BIRC6: variants seen among roughly 807,000 people sequenced by gnomAD.
BIRC6 encodes dual E2 ubiquitin-conjugating enzyme/E3 ubiquitin-protein ligase BIRC6.
BIRC6 carries 98 observed loss-of-function variants against 503.3 expected under a neutral mutation model. The observed-to-expected ratio is 0.19, with a 90% CI of 0.17 to 0.23. The LOEUF (loss-of-function observed/expected upper bound fraction) is 0.23. BIRC6 is among the 10% of genes least tolerant of loss of function. The probability of loss-of-function intolerance (pLI) is 1.00; values close to 1 mark genes in which losing one functional copy is unlikely to be tolerated. For synonymous variants in BIRC6, 2,240 were observed against 2,078.7 expected, an observed-to-expected ratio of 1.08 and a Z score of -2.11; for missense variants, 5,360 against 5,806.0, an observed-to-expected ratio of 0.92 and a Z score of 2.50.
chr2:32,570,306 G>GTTAT (rs1383120476), intron 65 of BIRC6, among the ~76,000 whole-genome samples: 1 of 151,830 alleles, frequency 6.6e-6, no homozygotes, highest in African/African-American at 2.4e-5. Flanking sequence ...TTTTTTAAAA[G>GTTAT]TTATTTATTT....
chr2:32,373,906 G>A (rs901144898), intron 1 of BIRC6, among the ~76,000 whole-genome samples: 32 of 152,260 alleles, frequency 2.1e-4, no homozygotes, highest in Admixed American at 6.5e-5. Flanking sequence ...CTAATGTGGA[G>A]GAACCTTCAG....
chr2:32,467,860 T>C, intron 27 of BIRC6, 43 bp from the exon 28 acceptor site: 4 of 1,500,020 alleles, frequency 2.7e-6, no homozygotes, highest in Non-Finnish European at 3.6e-6. Context: ...ATTTTTATTG[T>C]GGCAGATGTG....
Position 32,415,107 on chromosome 2 carries a change from G to A in BIRC6, c.1816G>A (p.Gly606Arg), listed in dbSNP as rs758082770. The change falls in exon 10 of 74, where the codon GGG becomes AGG. Residue 606 changes from glycine (G) to arginine (R), a missense_variant. By Grantham distance (125) the Gly-to-Arg change is moderately radical (BLOSUM62 -2). Transcript: ENST00000421745. Reference protein sequence around the residue: ...RTQGESISEQGSTDNESCTNS... With the variant: ...RTQGESISEQRSTDNESCTNS... ...TCAGGGTGAAAGTATATCAGAACAA[G>A]GGTCAACTGACAATGAATCCTGCAC... is the stretch of plus-strand genomic sequence containing the variant. The A allele has an allele frequency of 3.7e-6, 6 of 1,613,846 alleles. No homozygotes were observed. Among genetic ancestry groups the A allele is most frequent in the South Asian group, 1.1e-5 (1 of 91,060 alleles).
intron 40 of BIRC6, among the ~76,000 whole-genome samples, chr2:32,487,234 C>T (rs2051102990): frequency 6.6e-6 from 1 of 152,024 alleles, no homozygotes; most frequent in South Asian, 2.1e-4. Flanking sequence ...TCTGAAAGCT[C>T]CCCAGATGAT....
chr2:32,421,112 C>CTTT (rs779700746), intron 10 of BIRC6, among the ~76,000 whole-genome samples: 4 of 132,308 alleles, frequency 3.0e-5, no homozygotes, highest in Non-Finnish European at 4.9e-5. Flanking sequence ...TTCTTTCTTT[C>CTTT]TTTTTTTTTT....
chr2:32,401,557 G>T lies in BIRC6; in HGVS notation c.1352G>T (p.Arg451Ile), dbSNP rs139494254. The T allele has an allele frequency of 3.1e-6, 5 of 1,614,008 alleles. No individual in the cohort carries two copies. Among genetic ancestry groups the T allele is most frequent in the Non-Finnish European group, 3.4e-6 (4 of 1,179,884 alleles). ...CCAAGCTCAGGAGTTGATTCAAGGAGACCAACTTTGGCGTGGCTGGAGGAC... is the reference window on the plus strand; with the variant it reads ...CCAAGCTCAGGAGTTGATTCAAGGATACCAACTTTGGCGTGGCTGGAGGAC... ...GDPSSGVDSRRPTLAWLEDSS... is the reference protein window; with the variant it reads ...GDPSSGVDSRIPTLAWLEDSS... Residue 451 changes from arginine to isoleucine, a missense_variant, in exon 8 of 74, where the codon AGA becomes ATA. By Grantham distance (97) the Arg-to-Ile change is moderately conservative. Around this residue, in one of 16 missense-constraint regions of BIRC6, gnomAD observed 700 missense variants for 739.3 expected, o/e 0.95. Coordinates refer to ENST00000421745, the MANE Select transcript of BIRC6 (RefSeq NM_016252.4).
At chr2:32,560,908 C>T (rs983495799) in intron 65 of BIRC6, among the ~76,000 whole-genome samples, 8 of 151,888 alleles carry the variant, frequency 5.3e-5, no homozygotes, top group Admixed American at 2.6e-4. Flanking sequence ...TATAAATTGA[C>T]CTGCAAGTAG....
chr2:32,455,748 A>G (rs2047193330), intron 23 of BIRC6, among the ~76,000 whole-genome samples: 1 of 151,932 alleles, frequency 6.6e-6, no homozygotes, highest in South Asian at 2.1e-4. Flanking sequence ...TTTTCTCCAC[A>G]CTCCCCACCC....
At position 32,531,341 on chromosome 2, in the gene BIRC6, A is replaced by G. The variant is rs115651739; in HGVS notation, c.12095-14A>G. ...CTTTCTTACCTATTCAGTTATTTGT[A>G]ATTTATTGTCTAGATCATGGAGACT... On this transcript the variant is annotated splice_polypyrimidine_tract_variant and intron_variant, in intron 60 of 73. Transcript: ENST00000421745. 4,894 of 1,588,962 alleles carry G rather than the reference A, an allele frequency of 3.1e-3. 118 individuals carry two copies. In the African/African-American group the frequency reaches 0.06, roughly 19 times the overall value.
At chr2:32,359,501 ATGTAGCAT>A (rs1233515257) in intron 1 of BIRC6, among the ~76,000 whole-genome samples, 1 of 152,202 alleles carries the variant, frequency 6.6e-6, no homozygotes, top group Non-Finnish European at 1.5e-5. Context: ...GATAAGTAAA[ATGTAGCAT>A]TGATTTGGGA....
intron 50 of BIRC6, among the ~76,000 whole-genome samples, chr2:32,506,365 T>C (rs1474968790): frequency 6.6e-6 from 1 of 152,228 alleles, no homozygotes; most frequent in Admixed American, 6.5e-5. Flanking sequence ...TAGACTGATA[T>C]AGCTTAATTA....
Position 32,611,521 on chromosome 2 carries a change from A to G in BIRC6, c.14333A>G (p.Gln4778Arg). ...AQCEEWIADIQQYSSDKRVGR... is the reference protein window; with the variant it reads ...AQCEEWIADIRQYSSDKRVGR... Reference sequence around the variant, plus strand: ...TGTGAGGAGTGGATTGCGGATATCCAGCAGTACAGCAGTGATAAGCGGGTA... The same window carrying G: ...TGTGAGGAGTGGATTGCGGATATCCGGCAGTACAGCAGTGATAAGCGGGTA... The change falls in exon 73 of 74, where the codon CAG (glutamine) becomes CGG (arginine). Residue 4778 changes from glutamine to arginine, a missense_variant. Gln to Arg is a conservative substitution (Grantham distance 43, BLOSUM62 1). Around this residue, in one of 16 missense-constraint regions of BIRC6, gnomAD observed 140 missense variants for 130.2 expected, o/e 1.07. Coordinates refer to ENST00000421745, the MANE Select transcript of BIRC6 (RefSeq NM_016252.4). 1 of 1,607,642 alleles carries G rather than the reference A, an allele frequency of 6.2e-7. No individual in the cohort carries two copies. The highest frequency in any genetic ancestry group is 8.5e-7 in the Non-Finnish European group (1 of 1,176,082).
chr2:32,470,119 C>T, intron 30 of BIRC6, 49 bp from the exon 31 acceptor site: 1 of 1,326,598 alleles, frequency 7.5e-7, no homozygotes, highest in Non-Finnish European at 9.9e-7. Flanking sequence ...AAAAATTGAA[C>T]AATCGAATTG....
chr2:32,525,119 A>T (rs549803520), intron 58 of BIRC6, 100 bp downstream of exon 58: 1 of 1,073,224 alleles, frequency 9.3e-7, no homozygotes, highest in East Asian at 3.0e-5. Flanking sequence ...GTACTAATAT[A>T]AAAAGCTGAC....
intron 4 of BIRC6, among the ~76,000 whole-genome samples, chr2:32,389,863 A>AT (rs1311770533): frequency 1.4e-3 from 197 of 140,066 alleles, no homozygotes; most frequent in Admixed American, 2.1e-3. Flanking sequence ...TGCATGGCTG[A>AT]TTTTTTTTTT....
chr2:32,529,852 T>C, intron 60 of BIRC6, 28 bp downstream of exon 60: 2 of 1,439,214 alleles, frequency 1.4e-6, no homozygotes, highest in South Asian at 3.0e-5. Context: ...CTTTAAAAAT[T>C]ACAGACTGTC....
intron 39 of BIRC6, among the ~76,000 whole-genome samples, chr2:32,482,820 T>C (rs2050559549): frequency 6.6e-6 from 1 of 152,210 alleles, no homozygotes; most frequent in African/African-American, 2.4e-5. Flanking sequence ...GGCAATGATT[T>C]TAATGAACTG....
chr2:32,469,537 G>A lies in BIRC6; in HGVS notation c.6270G>A (p.Arg2090=), dbSNP rs139069401. The A allele has an allele frequency of 9.9e-5, 160 of 1,613,898 alleles. No individual in the cohort carries two copies. The African/African-American group carries it at 1.5e-3, about 15-fold the overall frequency. Residue 2090 remains arginine (R), a synonymous_variant, in exon 30 of 74, where the codon AGG becomes AGA. Transcript: ENST00000421745. ...TTGTTCAACTGTGTGGTGGTGAAAG[G>A]TGGTGGGGTCAATTTCTTTCTAATG... ...LLLVQLCGGE[R]WWGQFLSNVL...
At chr2:32,569,769 C>T (rs2059797561) in intron 65 of BIRC6, among the ~76,000 whole-genome samples, 1 of 151,070 alleles carries the variant, frequency 6.6e-6, no homozygotes, top group African/African-American at 2.4e-5. Flanking sequence ...TACTGGTTTT[C>T]ATATATTAAT....
Sources: gnomAD v4.1 joint callset for allele counts (sites outside exome capture counted in the v4.1 genomes callset) on GRCh38, gnomAD v4.1.1 for gene constraint, gnomAD v4.1.1 regional missense constraint, MANE v1.5 for transcripts, NCBI Gene and HGNC (gene_info 2026-07-23, HGNC 2026-07-21) for gene names.